TRAPPC9: variants seen among roughly 807,000 people sequenced by gnomAD.
TRAPPC9 encodes trafficking protein particle complex subunit 9, also known as IKK2 binding protein.
In TRAPPC9, 83 loss-of-function variants were observed where a neutral mutation model predicts 124.0. The observed-to-expected ratio is 0.67, with a 90% CI of 0.56 to 0.80. The LOEUF (loss-of-function observed/expected upper bound fraction) is 0.80. Ranked by LOEUF, TRAPPC9 falls within the 30% of genes least tolerant of loss-of-function variation. The pLI, the probability that TRAPPC9 is intolerant of heterozygous loss-of-function variation, is 0.00. For missense variants in TRAPPC9, 1,302 were observed against 1,508.3 expected (o/e 0.86, Z 2.27); for synonymous variants, 638 against 617.5 (o/e 1.03, Z -0.49).
intron 17 of TRAPPC9, among the ~76,000 whole-genome samples, chr8:140,132,670 A>G (rs1431086589): frequency 6.6e-6 from 1 of 152,204 alleles, no homozygotes; most frequent in East Asian, 1.9e-4. Flanking sequence ...ACCTCGGTCT[A>G]GTGGGCAAGA....
chr8:140,012,750 G>A (rs1418110775), intron 18 of TRAPPC9, among the ~76,000 whole-genome samples: 4 of 152,112 alleles, frequency 2.6e-5, no homozygotes, highest in Admixed American at 6.5e-5. Context: ...CCTGCAACAC[G>A]GGGCAACACG....
chr8:139,947,010 C>A (rs114248372), intron 19 of TRAPPC9, among the ~76,000 whole-genome samples: 1,936 of 148,906 alleles, frequency 0.013, 41 homozygotes, highest in African/African-American at 0.045. Flanking sequence ...AAACAAAAAA[C>A]CAAAAAAGGC....
intron 9 of TRAPPC9, among the ~76,000 whole-genome samples, chr8:140,358,403 C>T (rs1321263352): frequency 6.6e-6 from 1 of 152,164 alleles, no homozygotes; most frequent in African/African-American, 2.4e-5. Flanking sequence ...CACGGGGTTT[C>T]ACCATGTTGG....
At position 139,799,379 on chromosome 8, in the gene TRAPPC9, T is replaced by C. The variant is rs137870843; in HGVS notation, c.3056-67177A>G. Among the ~76,000 whole-genome samples the C allele has an allele frequency of 8.0e-3, 1,216 of 152,286 alleles. 14 individuals carry two copies. The highest frequency in any genetic ancestry group is 0.028 in the African/African-American group (1,145 of 41,536). On this transcript the variant is annotated intron_variant, in intron 21 of 22. Transcript: ENST00000438773. ...TGCACACGATCCAGAGATGAGGACA[T>C]GCCTATCTTTTGGAGGCCATTTTTC...
intron 21 of TRAPPC9, among the ~76,000 whole-genome samples, chr8:139,740,025 C>T (rs149489832): frequency 6.6e-6 from 1 of 152,326 alleles, no homozygotes; most frequent in East Asian, 1.9e-4. Flanking sequence ...CACCATTTGG[C>T]ACATGAGGGA....
At chr8:140,431,216 G>C (rs902705844) in intron 4 of TRAPPC9, among the ~76,000 whole-genome samples, 7 of 151,892 alleles carry the variant, frequency 4.6e-5, no homozygotes, top group Non-Finnish European at 1.0e-4. Context: ...CAGCACTTTG[G>C]GAGGCCAAGG....
intron 17 of TRAPPC9, among the ~76,000 whole-genome samples, chr8:140,206,572 T>C (rs1366960831): frequency 1.3e-5 from 2 of 152,128 alleles, no homozygotes; most frequent in Non-Finnish European, 2.9e-5. Flanking sequence ...ACAGTGTTAT[T>C]ACTCCCTTAC....
Position 140,405,605 on chromosome 8 carries a change from T to C in TRAPPC9, c.980A>G (p.Tyr327Cys), listed in dbSNP as rs587780483. ...CLSPEDIIDK[Y>C]KEAISYYSKY... is the part of the protein sequence containing the mutation. ...GCTGTAATAGGAAATCGCCTCTTTA[T>C]ACTTGTCAATTATGTCTTCAGGGCT... Residue 327 changes from tyrosine to cysteine, a missense_variant, in exon 6 of 23, where the codon TAT becomes TGT. Tyr to Cys is a radical substitution (Grantham distance 194). Transcript: ENST00000438773. 1.4e-5 allele frequency: 23 copies of C among 1,614,074 alleles called. No homozygotes were observed. In the South Asian group the frequency reaches 1.6e-4, roughly 12 times the overall value.
At chr8:140,119,591 A>G (rs1464459544) in intron 17 of TRAPPC9, among the ~76,000 whole-genome samples, 1 of 152,204 alleles carries the variant, frequency 6.6e-6, no homozygotes, top group Non-Finnish European at 1.5e-5. Flanking sequence ...GCATTTCCAT[A>G]ACCTATTAAG....
chr8:140,041,665 A>C (rs2132032911), intron 17 of TRAPPC9, among the ~76,000 whole-genome samples: 1 of 152,342 alleles, frequency 6.6e-6, no homozygotes, highest in African/African-American at 2.4e-5. Flanking sequence ...CATGGCATCT[A>C]AGTCTAATCT....
chr8:139,777,442 A>C (rs1481329245), intron 21 of TRAPPC9, among the ~76,000 whole-genome samples: 1 of 152,232 alleles, frequency 6.6e-6, no homozygotes, highest in East Asian at 1.9e-4. Context: ...CAAGGGCTAA[A>C]TGTGCAACCT....
At chr8:140,456,189 C>A (rs890406746) in intron 1 of TRAPPC9, among the ~76,000 whole-genome samples, 2 of 152,128 alleles carry the variant, frequency 1.3e-5, no homozygotes, top group African/African-American at 4.8e-5. Flanking sequence ...GCGGGTGGAT[C>A]ACGAGGTCAG....
At chr8:140,024,752 C>T (rs1840029280) in intron 17 of TRAPPC9, among the ~76,000 whole-genome samples, 4 of 151,882 alleles carry the variant, frequency 2.6e-5, no homozygotes, top group Non-Finnish European at 5.9e-5. Context: ...TGAGCCACTG[C>T]GCCGGCCTAA....
Position 140,360,040 on chromosome 8 carries a change from GCTCA to G in TRAPPC9, c.1495+6_1495+9del, listed in dbSNP as rs2067896744. On this transcript the variant is annotated splice_donor_region_variant and intron_variant, in intron 9 of 22. Transcript: ENST00000438773. ...CTTGAAAAAAAACATTGTGGTTTGA[GCTCA>G]CTCACCCTGATCCGACAAGAAGTCC... is the stretch of plus-strand genomic sequence containing the variant. 1 of 1,614,110 alleles carries G rather than the reference GCTCA, an allele frequency of 6.2e-7. No individual in the cohort carries two copies. Among genetic ancestry groups the G allele is most frequent in the East Asian group, 2.2e-5 (1 of 44,874 alleles).
At position 140,287,625 on chromosome 8, in the gene TRAPPC9, C is replaced by T; in HGVS notation, c.1964G>A (p.Gly655Glu). Residue 655 changes from glycine (G) to glutamate (E), a missense_variant, in exon 13 of 23, where the codon GGA (glycine) becomes GAA (glutamate). By Grantham distance (98) the Gly-to-Glu change is moderately conservative. Around this residue, in one of 3 missense-constraint regions of TRAPPC9, gnomAD observed 640 missense variants for 679.3 expected, o/e 0.94. Coordinates refer to ENST00000438773, the MANE Select transcript of TRAPPC9 (RefSeq NM_001160372.4). ...CTCCTTACCGTTCACAGTAATCGTT[C>T]CAGTCGTCTGCGGGACCCCGACGAG... Reference protein sequence around the residue: ...VTLVGVPQTTGTITVNGYHTT... With the variant: ...VTLVGVPQTTETITVNGYHTT... 2.5e-6 allele frequency: 4 copies of T among 1,614,180 alleles called. No individual in the cohort carries two copies. The highest frequency in any genetic ancestry group is 3.4e-6 in the Non-Finnish European group (4 of 1,180,040).
At chr8:140,294,205 C>A (rs2065741905) in intron 11 of TRAPPC9, among the ~76,000 whole-genome samples, 1 of 152,160 alleles carries the variant, frequency 6.6e-6, no homozygotes, top group South Asian at 2.1e-4. Context: ...CTCATCCCAG[C>A]TTCCATGCCC....
At chr8:140,283,825 A>G in intron 14 of TRAPPC9, 64 bp downstream of exon 14, 1 of 1,604,636 alleles carries the variant, frequency 6.2e-7, no homozygotes, top group South Asian at 1.1e-5. Flanking sequence ...TAAAAAAAAA[A>G]AAAATGTAGG....
intron 21 of TRAPPC9, among the ~76,000 whole-genome samples, chr8:139,870,790 C>T (rs1828852902): frequency 6.6e-6 from 1 of 152,222 alleles, no homozygotes; most frequent in Non-Finnish European, 1.5e-5. Context: ...GAGACTTGTA[C>T]ATCCTTTCTT....
chr8:140,390,414 C>T (rs2068893565), intron 7 of TRAPPC9, among the ~76,000 whole-genome samples: 1 of 152,236 alleles, frequency 6.6e-6, no homozygotes, highest in Admixed American at 6.5e-5. Flanking sequence ...CCATTCTCAT[C>T]CTGGAGCATC....
Sources: gnomAD v4.1 joint callset for allele counts (sites outside exome capture counted in the v4.1 genomes callset) on GRCh38, gnomAD v4.1.1 for gene constraint, gnomAD v4.1.1 regional missense constraint, MANE v1.5 for transcripts, NCBI Gene and HGNC (gene_info 2026-07-23, HGNC 2026-07-21) for gene names.